Variants in TDRD12 observed in about 807,000 individuals in gnomAD.
TDRD12 encodes the protein tudor domain containing 12.
In TDRD12, 158 loss-of-function variants were observed where a neutral mutation model predicts 133.5. The observed-to-expected ratio is 1.18, with a 90% confidence interval of 1.04 to 1.35. The LOEUF (loss-of-function observed/expected upper bound fraction) is 1.35, where lower values mean the gene tolerates loss of function less well. Among genes scored for constraint, TDRD12 ranks in the 40% most tolerant of loss-of-function variants. TDRD12 has a pLI of 0.00. For missense variants in TDRD12, 1,443 were observed against 1,321.3 expected, an observed-to-expected ratio of 1.09 and a Z score of -1.43; for synonymous variants, 460 against 477.9, an observed-to-expected ratio of 0.96 and a Z score of 0.49.
chr19:32,724,627 A>G (rs1188621922), intron 1 of TDRD12, among the ~76,000 whole-genome samples: 2 of 152,150 alleles, frequency 1.3e-5, no homozygotes, highest in Non-Finnish European at 2.9e-5. Context: ...TCTATCACTG[A>G]TGGGCATTTG....
At chr19:32,733,314 C>CA (rs1969117347) in intron 2 of TDRD12, among the ~76,000 whole-genome samples, 1 of 151,572 alleles carries the variant, frequency 6.6e-6, no homozygotes, top group Non-Finnish European at 1.5e-5. Flanking sequence ...ACTAAAAATA[C>CA]AAAAAATTAG....
chr19:32,826,595 G>A (rs1967598098), exon 9 of TDRD12: 1 of 1,237,820 alleles, frequency 8.1e-7, no homozygotes, highest in South Asian at 4.0e-5. Context: ...TACTCAGACA[G>A]AGGGTGAGTT....
chr19:32,772,461 A>G (rs1046597398), intron 8 of TDRD12, among the ~76,000 whole-genome samples: 1 of 152,216 alleles, frequency 6.6e-6, no homozygotes, highest in Non-Finnish European at 1.5e-5. Context: ...AGATGTTGCC[A>G]TGGTCTTCTG....
intron 6 of TDRD12, among the ~76,000 whole-genome samples, chr19:32,755,278 T>C (rs926269135): frequency 2.6e-5 from 4 of 152,192 alleles, no homozygotes; most frequent in African/African-American, 9.6e-5. Context: ...AGTCAAACTT[T>C]TGGATCATAT....
At chr19:32,799,625 C>T (rs1971327190) in intron 16 of TDRD12, among the ~76,000 whole-genome samples, 3 of 150,114 alleles carry the variant, frequency 2.0e-5, no homozygotes, top group Non-Finnish European at 1.5e-5. Context: ...GTTTGTTATA[C>T]ATATTTACCA....
intron 6 of TDRD12, among the ~76,000 whole-genome samples, chr19:32,751,741 A>T (rs1000287542): frequency 2.6e-5 from 4 of 152,158 alleles, no homozygotes; most frequent in Non-Finnish European, 4.4e-5. Flanking sequence ...CACCATGCCC[A>T]TGAGTTGCGA....
chr19:32,760,072 T>C (rs1970109001), intron 8 of TDRD12, among the ~76,000 whole-genome samples: 1 of 152,246 alleles, frequency 6.6e-6, no homozygotes, highest in South Asian at 2.1e-4. Flanking sequence ...TCTTTTTCCA[T>C]TGGAGGAATA....
chr19:32,725,261 G>GC (rs1350471817), intron 1 of TDRD12, among the ~76,000 whole-genome samples: 1 of 151,312 alleles, frequency 6.6e-6, no homozygotes, highest in African/African-American at 2.4e-5. Flanking sequence ...TGCTTTTGAT[G>GC]TTTTTGTCAT....
chr19:32,777,939 G>A (rs1970656242), intron 11 of TDRD12, among the ~76,000 whole-genome samples: 1 of 130,492 alleles, frequency 7.7e-6, no homozygotes, highest in South Asian at 2.6e-4. Flanking sequence ...TCAAAGTCCT[G>A]GCCTCAAATG....
chr19:32,749,674 T>G, intron 5 of TDRD12, 110 bp from the exon 6 acceptor site: 3 of 757,878 alleles, frequency 4.0e-6, no homozygotes, highest in Non-Finnish European at 6.4e-6. Context: ...GAGGAAGACA[T>G]TTGGGCACTC....
rs539058697 is a variant in TDRD12, at chr19:32,756,480, C to T, written c.772+299C>T. Among the ~76,000 whole-genome samples, 169 of 151,684 alleles carry T rather than the reference C, an allele frequency of 1.1e-3. 1 individual carries two copies. The highest frequency in any genetic ancestry group is 3.9e-3 in the African/African-American group (160 of 41,358). On this transcript the variant is annotated intron_variant, in intron 7 of 27. Coordinates refer to ENST00000444215, the Ensembl canonical transcript of TDRD12. ...TCGGCTCACTGCAAGCTCCTCCCCC[C>T]AGGTTCACACCATTCTCCTGCCTCA...
chr19:32,818,170 A>G lies in TDRD12; in HGVS notation c.3383+13A>G, dbSNP rs1967250995. ...AGGGGGGGCAGGGGTGAGTAAGAAC[A>G]CCACAGAGCTTCCTCCCAGAATGCC... On this transcript the variant is annotated intron_variant, in intron 27 of 27. Coordinates refer to ENST00000444215, the Ensembl canonical transcript of TDRD12. The G allele has an allele frequency of 1.4e-6, 1 of 698,578 alleles. No individual in the cohort carries two copies. The highest frequency in any genetic ancestry group is 1.8e-5 in the African/African-American group (1 of 57,034). The allele number at this position is 698,578 out of a possible 1,614,324, so 43.3% of individuals were successfully genotyped here. A position where few individuals can be genotyped will look rare whatever the true frequency, so the allele number is the denominator to read the frequency against.
intron 21 of TDRD12, among the ~76,000 whole-genome samples, chr19:32,804,693 A>G (rs1971493425): frequency 9.2e-6 from 1 of 108,910 alleles, no homozygotes; most frequent in Admixed American, 8.7e-5. Flanking sequence ...TTCTGTCTCA[A>G]AAAAAAAAAA....
intron 1 of TDRD12, among the ~76,000 whole-genome samples, chr19:32,724,053 C>T (rs973057948): frequency 5.3e-5 from 8 of 151,910 alleles, no homozygotes; most frequent in African/African-American, 1.9e-4. Flanking sequence ...GAGACAGGGT[C>T]TCACTGTGTT....
Position 32,807,667 on chromosome 19 carries a change from G to A in TDRD12, c.2652+19G>A, listed in dbSNP as rs1293552089. The A allele has an allele frequency of 2.0e-6, 3 of 1,466,218 alleles. No individual in the cohort carries two copies. Among genetic ancestry groups the A allele is most frequent in the Middle Eastern group, 1.7e-4 (1 of 5,814 alleles). 90.8% of individuals were successfully genotyped at this position (1,466,218 alleles called of 1,614,324 possible). A position where few individuals can be genotyped will look rare whatever the true frequency, so the allele number is the denominator to read the frequency against. On this transcript the variant is annotated intron_variant, in intron 22 of 27. Transcript: ENST00000444215. ...CATTAAAGTAGGTTTGGTTAAAGAT[G>A]CTTGTGTCCTCTGACGAATGGTCAT...
At chr19:32,776,173 C>T (rs1970578503) in intron 10 of TDRD12, among the ~76,000 whole-genome samples, 1 of 152,182 alleles carries the variant, frequency 6.6e-6, no homozygotes, top group African/African-American at 2.4e-5. Flanking sequence ...CCTCCTTCCC[C>T]GTATTCCTCT....
intron 8 of TDRD12, among the ~76,000 whole-genome samples, chr19:32,762,013 T>A (rs531659640): frequency 1.3e-5 from 2 of 152,298 alleles, no homozygotes; most frequent in African/African-American, 4.8e-5. Flanking sequence ...CGGCAAGGAT[T>A]TGGCTATTTT....
intron 8 of TDRD12, among the ~76,000 whole-genome samples, chr19:32,759,137 G>A (rs555602000): frequency 8.5e-5 from 13 of 152,150 alleles, no homozygotes; most frequent in Non-Finnish European, 1.9e-4. Context: ...AGCTACTCAA[G>A]AACTTATTTG....
At chr19:32,795,864 G>T (rs1568483135) in intron 14 of TDRD12, among the ~76,000 whole-genome samples, 1 of 152,082 alleles carries the variant, frequency 6.6e-6, no homozygotes, top group Admixed American at 6.5e-5. Flanking sequence ...AGCAGGGGAG[G>T]TGCCACATAC....
Sources: allele counts gnomAD v4.1 joint callset (sites outside exome capture counted in the v4.1 genomes callset), GRCh38; gene constraint gnomAD v4.1.1; transcripts MANE v1.5; gene names NCBI Gene and HGNC (gene_info 2026-07-23, HGNC 2026-07-21).